The following RBM20 variants were observed in gnomAD, a reference collection of about 807,000 sequenced individuals.
The protein encoded by RBM20 is RNA-binding protein 20.
A neutral mutation model predicts 110.1 loss-of-function variants in RBM20; 51 were observed. That is an observed-to-expected ratio of 0.46 (90% confidence interval 0.37 to 0.59). The LOEUF (loss-of-function observed/expected upper bound fraction) is 0.59, where lower values mean the gene tolerates loss of function less well. Among genes scored for constraint, RBM20 ranks in the 20% least tolerant of loss-of-function variants. The pLI is 0.00. For missense variants in RBM20, 1,512 were observed against 1,574.9 expected, an observed-to-expected ratio of 0.96 and a Z score of 0.68; for synonymous variants, 589 against 618.2, an observed-to-expected ratio of 0.95 and a Z score of 0.70.
intron 1 of RBM20, 89 bp from the exon 2 acceptor site, chr10:110,780,712 T>C (rs1844325802): frequency 3.3e-5 from 46 of 1,405,334 alleles, no homozygotes; most frequent in Non-Finnish European, 4.2e-5. Flanking sequence ...CTTGTTTATG[T>C]GGGAGGGGGG....
At chr10:110,738,400 A>G (rs1168805636) in intron 1 of RBM20, among the ~76,000 whole-genome samples, 1 of 152,046 alleles carries the variant, frequency 6.6e-6, no homozygotes, top group Non-Finnish European at 1.5e-5. Flanking sequence ...AAATGTTGAT[A>G]ACATGTTCCC....
At chr10:110,676,418 G>A (rs751808034) in intron 1 of RBM20, among the ~76,000 whole-genome samples, 43 of 152,318 alleles carry the variant, frequency 2.8e-4, no homozygotes, top group Non-Finnish European at 3.7e-4. Context: ...AGGCAGAGAC[G>A]TTTAGACAAC....
At chr10:110,698,200 G>C (rs1444817632) in intron 1 of RBM20, among the ~76,000 whole-genome samples, 1 of 152,106 alleles carries the variant, frequency 6.6e-6, no homozygotes, top group African/African-American at 2.4e-5. Context: ...GAGCCACCGC[G>C]CCCGGCCCTT....
intron 4 of RBM20, 45 bp from the exon 5 acceptor site, chr10:110,784,747 G>A (rs150879743): frequency 3.2e-5 from 40 of 1,260,060 alleles, no homozygotes; most frequent in Non-Finnish European, 4.3e-5. Context: ...GACTTTTGAT[G>A]TTACATTCTG....
intron 5 of RBM20, among the ~76,000 whole-genome samples, chr10:110,794,428 A>ATCT (rs1428339536): frequency 6.6e-6 from 1 of 152,212 alleles, no homozygotes; most frequent in African/African-American, 2.4e-5. Context: ...ACAAAAGCAA[A>ATCT]CTATTAACCT....
intron 1 of RBM20, among the ~76,000 whole-genome samples, chr10:110,779,842 A>G (rs1844314157): frequency 6.6e-6 from 1 of 152,222 alleles, no homozygotes; most frequent in Non-Finnish European, 1.5e-5. Flanking sequence ...AAGACAATTC[A>G]TGTTACTTTT....
intron 1 of RBM20, among the ~76,000 whole-genome samples, chr10:110,653,908 T>C (rs180728712): frequency 5.3e-5 from 8 of 152,340 alleles, no homozygotes; most frequent in Admixed American, 3.3e-4. Flanking sequence ...TTTCCAATAC[T>C]GAAGATTACA....
chr10:110,674,704 C>A (rs1862312408), intron 1 of RBM20, among the ~76,000 whole-genome samples: 1 of 152,222 alleles, frequency 6.6e-6, no homozygotes, highest in Non-Finnish European at 1.5e-5. Flanking sequence ...TCTTCAAGAT[C>A]ACATACAAGG....
chr10:110,797,773 T>G (rs766819092), intron 6 of RBM20, 125 bp downstream of exon 6: 6 of 1,014,348 alleles, frequency 5.9e-6, no homozygotes, highest in Non-Finnish European at 8.6e-6. Context: ...TGGCCTTCTG[T>G]TGGCATGGCG....
At chr10:110,726,635 C>A (rs1449463093) in intron 1 of RBM20, among the ~76,000 whole-genome samples, 2 of 152,174 alleles carry the variant, frequency 1.3e-5, no homozygotes, top group African/African-American at 4.8e-5. Flanking sequence ...TGTAGAAAAA[C>A]TACAAAGTTT....
In RBM20 at chr10:110,764,994, T is replaced by A. The variant is rs11195315; in HGVS notation, c.192-15807T>A. On this transcript the variant is annotated intron_variant, in intron 1 of 13. Coordinates refer to ENST00000369519, the MANE Select transcript of RBM20 (RefSeq NM_001134363.3). ...GTCTGTGTCCCCACCCCCTCCGTTT[T>A]AAAAAAAAATTAACAAATGATTCAC... 4.1e-3 allele frequency among the ~76,000 whole-genome samples: 625 copies of A among 151,848 alleles called. 5 individuals are homozygous for A. Among genetic ancestry groups the A allele is most frequent in the African/African-American group, 0.014 (590 of 41,392 alleles).
chr10:110,690,347 A>G (rs1862569187), intron 1 of RBM20, among the ~76,000 whole-genome samples: 1 of 152,172 alleles, frequency 6.6e-6, no homozygotes. Flanking sequence ...TTGAGGTTGC[A>G]GTGAGCTGTG....
At chr10:110,670,374 A>G (rs1320448675) in intron 1 of RBM20, among the ~76,000 whole-genome samples, 1 of 152,210 alleles carries the variant, frequency 6.6e-6, no homozygotes, top group Non-Finnish European at 1.5e-5. Flanking sequence ...TAGGAAGTGA[A>G]GAATGTGGCA....
chr10:110,709,725 C>G (rs1388995099), intron 1 of RBM20, among the ~76,000 whole-genome samples: 1 of 151,824 alleles, frequency 6.6e-6, no homozygotes, highest in Non-Finnish European at 1.5e-5. Flanking sequence ...TGCCACCATG[C>G]CTGGCTATTT....
intron 1 of RBM20, among the ~76,000 whole-genome samples, chr10:110,712,231 G>A (rs1862943084): frequency 1.3e-5 from 2 of 152,192 alleles, no homozygotes; most frequent in South Asian, 4.1e-4. Context: ...TGGTTTTCAG[G>A]TAAGTCATAT....
At chr10:110,784,945 ATT>A in intron 5 of RBM20, 56 bp downstream of exon 5, 1 of 1,186,378 alleles carries the variant, frequency 8.4e-7, no homozygotes, top group Non-Finnish European at 1.2e-6. Flanking sequence ...TAGTTTATTT[ATT>A]TGTTTGTTTA....
chr10:110,794,547 G>C (rs1844526381), intron 5 of RBM20, among the ~76,000 whole-genome samples: 1 of 152,236 alleles, frequency 6.6e-6, no homozygotes, highest in South Asian at 2.1e-4. Flanking sequence ...TTGGCCTTCA[G>C]CCTGAGGGAT....
intron 1 of RBM20, among the ~76,000 whole-genome samples, chr10:110,664,058 T>C (rs1426245301): frequency 6.6e-6 from 1 of 152,258 alleles, no homozygotes; most frequent in Non-Finnish European, 1.5e-5. Context: ...GAACTCCTGA[T>C]GTATTTTCTT....
At chr10:110,720,417 G>T (rs1414771497) in intron 1 of RBM20, among the ~76,000 whole-genome samples, 1 of 152,194 alleles carries the variant, frequency 6.6e-6, no homozygotes, top group Non-Finnish European at 1.5e-5. Context: ...CTACTTTCTA[G>T]TCCACATTTT....
Sources: gnomAD v4.1 joint callset for allele counts (sites outside exome capture counted in the v4.1 genomes callset) on GRCh38, gnomAD v4.1.1 for gene constraint, MANE v1.5 for transcripts, NCBI Gene and HGNC (gene_info 2026-07-23, HGNC 2026-07-21) for gene names.